The following DLGAP5 variants were observed in gnomAD, a reference collection of about 807,000 sequenced individuals.
DLGAP5 encodes DLG associated protein 5.
Under a neutral mutation model 99.6 loss-of-function variants are expected in DLGAP5, and 90 were observed. The observed-to-expected ratio is 0.90, with a 90% CI of 0.76 to 1.08. DLGAP5 has a LOEUF of 1.08. Ranked by LOEUF, DLGAP5 falls within the 50% of genes least tolerant of loss-of-function variation. The pLI is 0.00. For missense variants in DLGAP5, 1,036 were observed against 983.5 expected (o/e 1.05, Z -0.71); for synonymous variants, 311 against 321.3 (o/e 0.97, Z 0.34).
chr14:55,173,994 T>C (rs968633493), intron 10 of DLGAP5, among the ~76,000 whole-genome samples: 6 of 152,202 alleles, frequency 3.9e-5, no homozygotes, highest in African/African-American at 1.2e-4. Flanking sequence ...TAACAGCGAT[T>C]GTTCAGGGAA....
intron 10 of DLGAP5, among the ~76,000 whole-genome samples, chr14:55,172,075 C>T (rs745410249): frequency 2.0e-5 from 3 of 151,806 alleles, no homozygotes; most frequent in Non-Finnish European, 2.9e-5. Flanking sequence ...GTTGGCCAGG[C>T]TACTAGTCCT....
chr14:55,173,910 CTG>C (rs1242330407), intron 10 of DLGAP5, among the ~76,000 whole-genome samples: 1 of 152,098 alleles, frequency 6.6e-6, no homozygotes, highest in Non-Finnish European at 1.5e-5. Context: ...CCTGTAATAA[CTG>C]TATTAACTGC....
intron 12 of DLGAP5, among the ~76,000 whole-genome samples, chr14:55,167,163 A>T (rs913487228): frequency 6.6e-6 from 1 of 151,590 alleles, no homozygotes; most frequent in Admixed American, 6.6e-5. Flanking sequence ...CAGAGGCAGG[A>T]GAATCGCTTG....
chr14:55,186,238 T>G (rs977202695), intron 2 of DLGAP5, among the ~76,000 whole-genome samples: 18 of 152,170 alleles, frequency 1.2e-4, no homozygotes, highest in African/African-American at 4.3e-4. Flanking sequence ...GCCATTGCAC[T>G]CCAGCCTGGG....
intron 15 of DLGAP5, among the ~76,000 whole-genome samples, chr14:55,153,204 A>G (rs1441674120): frequency 1.3e-5 from 2 of 152,186 alleles, no homozygotes; most frequent in African/African-American, 2.4e-5. Context: ...GAGTTAGAAT[A>G]CAAGGTATTC....
Position 55,169,444 on chromosome 14 carries a change from A to G in DLGAP5, c.1503T>C (p.Thr501=). 1 of 1,610,718 alleles carries G rather than the reference A, an allele frequency of 6.2e-7. No homozygotes were observed. Among genetic ancestry groups the G allele is most frequent in the Non-Finnish European group, 8.5e-7 (1 of 1,178,906 alleles). The change falls in exon 12 of 19, where the codon ACT becomes ACC. Residue 501 remains threonine, a synonymous_variant. Coordinates refer to ENST00000247191, the MANE Select transcript of DLGAP5 (RefSeq NM_014750.5). ...AAAATCCATCCAGATCTGTACAGGT[A>G]GTCTCCTTTATACCTCGTTTATATT... The part of the protein sequence containing the change: ...DCEYKRGIKE[T]TCTDLDGFWD...
chr14:55,189,297 G>A (rs1402383327), intron 1 of DLGAP5, 117 bp from the exon 2 acceptor site: 1 of 753,528 alleles, frequency 1.3e-6, no homozygotes, highest in Non-Finnish European at 2.2e-6. Context: ...TATAAAATGT[G>A]CAATGAAATA....
At chr14:55,190,754 A>C (rs1338307142) in intron 1 of DLGAP5, among the ~76,000 whole-genome samples, 1 of 152,218 alleles carries the variant, frequency 6.6e-6, no homozygotes, top group East Asian at 1.9e-4. Flanking sequence ...ATTCTCCTCT[A>C]AGACCCAAGG....
At chr14:55,169,120 G>A (rs2140316715) in intron 12 of DLGAP5, among the ~76,000 whole-genome samples, 1 of 138,758 alleles carries the variant, frequency 7.2e-6, no homozygotes, top group African/African-American at 2.8e-5. Flanking sequence ...AGACAGCAGT[G>A]AGCCGAGATC....
chr14:55,155,265 T>C (rs1374500494), intron 14 of DLGAP5, among the ~76,000 whole-genome samples: 1 of 151,130 alleles, frequency 6.6e-6, no homozygotes, highest in Non-Finnish European at 1.5e-5. Context: ...CCTCAGGTGA[T>C]CCACCTGCCT....
chr14:55,180,850 G>A (rs1048587441), intron 5 of DLGAP5, 72 bp from the exon 6 acceptor site: 139 of 1,530,154 alleles, frequency 9.1e-5, no homozygotes, highest in Non-Finnish European at 1.2e-4. Context: ...AGCCAGGCAT[G>A]GTAGTGCAAT....
At chr14:55,169,977 A>G (rs910160472) in intron 11 of DLGAP5, among the ~76,000 whole-genome samples, 1 of 152,086 alleles carries the variant, frequency 6.6e-6, no homozygotes, top group Non-Finnish European at 1.5e-5. Context: ...CCTACTAAAA[A>G]TACAAAAATC....
intron 8 of DLGAP5, among the ~76,000 whole-genome samples, chr14:55,176,698 G>A (rs1025481047): frequency 1.3e-5 from 2 of 151,940 alleles, no homozygotes; most frequent in South Asian, 2.1e-4. Flanking sequence ...AAGACATTTG[G>A]CCGGGCGCGG....
chr14:55,169,341 T>C (rs1882764864), intron 12 of DLGAP5, 58 bp downstream of exon 12: 1 of 1,024,738 alleles, frequency 9.8e-7, no homozygotes, highest in Non-Finnish European at 1.3e-6. Flanking sequence ...CTCCTGCTAC[T>C]TAAAAAAAAA....
At chr14:55,166,591 C>T (rs150203387) in intron 12 of DLGAP5, among the ~76,000 whole-genome samples, 1,928 of 151,830 alleles carry the variant, frequency 0.013, 25 homozygotes, top group Middle Eastern at 0.02. Context: ...TAGACAGGCA[C>T]GGTGGCACAT....
intron 10 of DLGAP5, among the ~76,000 whole-genome samples, chr14:55,173,275 AAAAAAAAAAAAAC>A (rs1416648617): frequency 9.0e-5 from 9 of 100,522 alleles, no homozygotes; most frequent in Middle Eastern, 4.4e-3. Context: ...GTCTCTACAA[AAAAAAAAAAAAAC>A]AAAAAAAAAA....
At chr14:55,157,104 T>C (rs898758092) in intron 14 of DLGAP5, among the ~76,000 whole-genome samples, 1 of 152,204 alleles carries the variant, frequency 6.6e-6, no homozygotes, top group African/African-American at 2.4e-5. Context: ...CTTCTAGGGA[T>C]TGGCAAATGG....
At chr14:55,153,269 G>A (rs1033440329) in intron 15 of DLGAP5, among the ~76,000 whole-genome samples, 2 of 152,114 alleles carry the variant, frequency 1.3e-5, no homozygotes, top group Admixed American at 6.6e-5. Context: ...TTGGCCAGGC[G>A]CCTTGGCTCA....
rs189610863 is a variant in DLGAP5, at chr14:55,160,596, C to T, written c.1654-1855G>A. On this transcript the variant is annotated intron_variant, in intron 13 of 18. Transcript: ENST00000247191. ...CTGAGTAGCTGGGATTACAGGCGCC[C>T]GCCACCATGCCTGGCTAATTTTTTA... Among the ~76,000 whole-genome samples the T allele has an allele frequency of 2.3e-3, 353 of 151,646 alleles. 10 individuals are homozygous for T. The East Asian group carries it at 0.051, about 22-fold the overall frequency.
Sources: gnomAD v4.1 joint callset for allele counts (sites outside exome capture counted in the v4.1 genomes callset) on GRCh38, gnomAD v4.1.1 for gene constraint, MANE v1.5 for transcripts, NCBI Gene and HGNC (gene_info 2026-07-23, HGNC 2026-07-21) for gene names.